Variants in ADARB1 observed in about 807,000 individuals in gnomAD.
The protein encoded by ADARB1 is adenosine deaminase RNA specific B1.
Under a neutral mutation model 52.4 loss-of-function variants are expected in ADARB1, and 10 were observed. The ratio of observed to expected loss-of-function variants is 0.19; its 90% CI spans 0.12 to 0.32. ADARB1 has a LOEUF of 0.32. Among genes scored for constraint, ADARB1 ranks in the 10% least tolerant of loss-of-function variants. The pLI is 1.00. For missense variants in ADARB1, 643 were observed against 922.3 expected, an observed-to-expected ratio of 0.70 and a Z score of 3.92; for synonymous variants, 349 against 371.1, an observed-to-expected ratio of 0.94 and a Z score of 0.68.
At chr21:45,114,366 C>A (rs2087715227) in intron 1 of ADARB1, among the ~76,000 whole-genome samples, 1 of 152,128 alleles carries the variant, frequency 6.6e-6, no homozygotes, top group Non-Finnish European at 1.5e-5. Context: ...CGCAGATAAC[C>A]CCAGCACCCT....
chr21:45,078,359 G>A (rs945878799), intron 1 of ADARB1, among the ~76,000 whole-genome samples: 1 of 152,328 alleles, frequency 6.6e-6, no homozygotes, highest in Admixed American at 6.5e-5. Context: ...TCTAGGTATT[G>A]GAGATTCAGG....
rs573950124 is a variant in ADARB1 at position 45,204,597 on chromosome 21, C to T, written c.1608C>T (p.Phe536=). 8 of 1,614,158 alleles carry T rather than the reference C, an allele frequency of 5.0e-6. No homozygotes were observed. Among genetic ancestry groups the T allele is most frequent in the South Asian group, 3.3e-5 (3 of 91,080 alleles). Residue 536 remains phenylalanine, a synonymous_variant, in exon 9 of 11, where the codon TTC becomes TTT. Transcript: ENST00000348831. The surrounding 1 kb of genome is among the most constrained non-coding windows in gnomAD (Gnocchi z 4.4). The stretch of plus-strand genomic sequence containing the variant: ...TCCAGGGATCCCTGCTCAGCATTTT[C>T]GTGGAGCCCATTTACTTCTCGAGCA... The part of the protein sequence containing the change: ...VGIQGSLLSI[F]VEPIYFSSII...
At chr21:45,184,452 T>C (rs1288406832) in intron 7 of ADARB1, 1 of 208,242 alleles carries the variant, frequency 4.8e-6, no homozygotes, top group South Asian at 5.4e-5. Context: ...CATATAATTT[T>C]TTTTTTTTTT....
At chr21:45,136,044 T>C (rs1404482906) in intron 2 of ADARB1, among the ~76,000 whole-genome samples, 1 of 152,128 alleles carries the variant, frequency 6.6e-6, no homozygotes, top group Non-Finnish European at 1.5e-5. Flanking sequence ...GTGTTCATCC[T>C]GTGGTGTCCC....
intron 1 of ADARB1, among the ~76,000 whole-genome samples, chr21:45,106,587 C>T (rs563891297): frequency 1.3e-5 from 2 of 152,276 alleles, no homozygotes; most frequent in African/African-American, 2.4e-5. Flanking sequence ...TGGGAACTTC[C>T]GAGCAACTTA....
chr21:45,103,203 G>A (rs1324101867), intron 1 of ADARB1, among the ~76,000 whole-genome samples: 7 of 152,120 alleles, frequency 4.6e-5, no homozygotes, highest in Admixed American at 4.6e-4. Flanking sequence ...CGAAAGTGTG[G>A]ATTTCAGTTA....
chr21:45,127,239 A>G (rs2088642890), intron 1 of ADARB1, among the ~76,000 whole-genome samples: 1 of 152,130 alleles, frequency 6.6e-6, no homozygotes, highest in Non-Finnish European at 1.5e-5. Context: ...CTCTCCACCC[A>G]GGCGTGGTGA....
At chr21:45,174,716 T>C (rs1025799643) in intron 3 of ADARB1, among the ~76,000 whole-genome samples, 5 of 152,030 alleles carry the variant, frequency 3.3e-5, no homozygotes, top group Admixed American at 6.6e-5. Context: ...CATACATACA[T>C]ACATACATAC....
intron 1 of ADARB1, among the ~76,000 whole-genome samples, chr21:45,075,680 G>A (rs1157994264): frequency 1.3e-5 from 2 of 152,360 alleles, no homozygotes; most frequent in South Asian, 2.1e-4. Context: ...ACGCTGAAAC[G>A]TGTTGGAGTC....
At chr21:45,104,937 T>C (rs1400406035) in intron 1 of ADARB1, among the ~76,000 whole-genome samples, 1 of 152,234 alleles carries the variant, frequency 6.6e-6, no homozygotes, top group Non-Finnish European at 1.5e-5. Context: ...ACCCAGGTTC[T>C]GAGAACAGAG....
intron 8 of ADARB1, among the ~76,000 whole-genome samples, chr21:45,203,674 C>T (rs182510105): frequency 9.8e-5 from 15 of 152,346 alleles, no homozygotes; most frequent in Admixed American, 3.3e-4. Context: ...CAGCTGCACA[C>T]GTGCAGTCGC....
chr21:45,204,482 A>C lies in ADARB1; in HGVS notation c.1566-73A>C. ...GAATTGCCAGTGCATCCCTGTAACCACGCAGGCTTGGGCTGGGCTGCGTCG... is the reference window on the plus strand; with the variant it reads ...GAATTGCCAGTGCATCCCTGTAACCCCGCAGGCTTGGGCTGGGCTGCGTCG... On this transcript the variant is annotated intron_variant, in intron 8 of 10. Coordinates refer to ENST00000348831, the MANE Select transcript of ADARB1 (RefSeq NM_001112.4). This position sits in a 1 kb window ranked among gnomAD's most constrained non-coding sequence, Gnocchi z 4.4. 1 of 1,491,044 alleles carries C rather than the reference A, an allele frequency of 6.7e-7. No individual in the cohort carries two copies. Among genetic ancestry groups the C allele is most frequent in the South Asian group, 1.2e-5 (1 of 80,336 alleles). 92.4% of individuals were successfully genotyped at this position (1,491,044 alleles called of 1,614,324 possible). A position where few individuals can be genotyped will look rare whatever the true frequency, so the allele number is the denominator to read the frequency against.
At chr21:45,108,467 T>G (rs1281633784) in intron 1 of ADARB1, among the ~76,000 whole-genome samples, 1 of 152,242 alleles carries the variant, frequency 6.6e-6, no homozygotes, top group Non-Finnish European at 1.5e-5. Flanking sequence ...TTATTCTCAG[T>G]GTGCTTTGAA....
intron 2 of ADARB1, among the ~76,000 whole-genome samples, chr21:45,166,108 A>G (rs1379371241): frequency 6.6e-6 from 1 of 152,144 alleles, no homozygotes. Context: ...TGTTTTTAAT[A>G]TTTTATTCCA....
At chr21:45,111,151 C>G (rs564993694) in intron 1 of ADARB1, among the ~76,000 whole-genome samples, 2 of 152,290 alleles carry the variant, frequency 1.3e-5, no homozygotes, top group Admixed American at 1.3e-4. Flanking sequence ...GCACACGGAG[C>G]GCTGCAGTCC....
intron 1 of ADARB1, among the ~76,000 whole-genome samples, chr21:45,084,451 G>A (rs761174828): frequency 6.6e-6 from 1 of 152,212 alleles, no homozygotes; most frequent in East Asian, 1.9e-4. Context: ...TAGGAGGCAG[G>A]ATTGAGAGAG....
At chr21:45,083,137 C>G (rs550820371) in intron 1 of ADARB1, among the ~76,000 whole-genome samples, 123 of 152,350 alleles carry the variant, frequency 8.1e-4, no homozygotes, top group Middle Eastern at 3.4e-3. Context: ...GGCTATTGCT[C>G]TGAATCTGTC....
chr21:45,079,304 C>T (rs931811879), intron 1 of ADARB1, among the ~76,000 whole-genome samples: 21 of 152,210 alleles, frequency 1.4e-4, no homozygotes, highest in Non-Finnish European at 2.9e-5. Flanking sequence ...AGAGCTTAGA[C>T]TAAGCATTGA....
chr21:45,182,049 T>C (rs2091949340), intron 5 of ADARB1, among the ~76,000 whole-genome samples: 1 of 152,258 alleles, frequency 6.6e-6, no homozygotes, highest in Admixed American at 6.5e-5. Context: ...GATCTGTCTG[T>C]GGGAGTTCAC....
Sources: gnomAD v4.1 joint callset for allele counts (sites outside exome capture counted in the v4.1 genomes callset) on GRCh38, gnomAD v4.1.1 for gene constraint, Gnocchi (gnomAD v3.1) non-coding constraint, MANE v1.5 for transcripts, NCBI Gene and HGNC (gene_info 2026-07-23, HGNC 2026-07-21) for gene names.